The following ASIC2 variants were observed in gnomAD, a reference collection of about 807,000 sequenced individuals.
ASIC2 encodes acid-sensing ion channel 2.
Under a neutral mutation model 57.3 loss-of-function variants are expected in ASIC2, and 25 were observed. The observed-to-expected ratio is 0.44, with a 90% CI of 0.32 to 0.61. The LOEUF (loss-of-function observed/expected upper bound fraction) is 0.61, where lower values mean the gene tolerates loss of function less well. ASIC2 is among the 20% of genes least tolerant of loss of function. The probability of loss-of-function intolerance (pLI) is 0.06; values close to 1 mark genes in which losing one functional copy is unlikely to be tolerated. For missense variants in ASIC2, 641 were observed against 738.1 expected (o/e 0.87, Z 1.52); for synonymous variants, 319 against 307.5 (o/e 1.04, Z -0.39).
At chr17:33,822,074 C>T (rs576771842) in intron 1 of ASIC2, among the ~76,000 whole-genome samples, 3 of 152,190 alleles carry the variant, frequency 2.0e-5, no homozygotes, top group African/African-American at 4.8e-5. Context: ...ACTCTCTAAA[C>T]GTCAGCTTCA....
intron 1 of ASIC2, among the ~76,000 whole-genome samples, chr17:33,605,013 T>TTC (rs5820054): frequency 0.01 from 1,486 of 148,042 alleles, 13 homozygotes; most frequent in East Asian, 0.048. Flanking sequence ...TATTACTTCA[T>TTC]TCTCTCTCTC....
At chr17:33,406,137 T>C (rs911545558) in intron 1 of ASIC2, among the ~76,000 whole-genome samples, 1 of 152,162 alleles carries the variant, frequency 6.6e-6, no homozygotes, top group African/African-American at 2.4e-5. Flanking sequence ...ATGTAAGTAA[T>C]AAAAATATTT....
In ASIC2 at chr17:33,436,850, CTTCTTTTTTTTTTTTTTT is replaced by C. The variant is rs1469139955; in HGVS notation, c.556-324801_556-324784del. ...TGCAATGCCTTAAAACACATTCCAACTTCTTTTTTTTTTTTTTTTTTTTTTTTTTTTTTGAGACGGAGT... is the reference window on the plus strand; with the variant it reads ...TGCAATGCCTTAAAACACATTCCAACTTTTTTTTTTTTTTTGAGACGGAGT... On this transcript the variant is annotated intron_variant, in intron 1 of 9. Coordinates refer to the ASIC2 transcript ENST00000359872. Among the ~76,000 whole-genome samples, 230 of 76,038 alleles carry C rather than the reference CTTCTTTTTTTTTTTTTTT, an allele frequency of 3.0e-3. 1 individual carries two copies. Among genetic ancestry groups the C allele is most frequent in the East Asian group, 0.021 (58 of 2,758 alleles). The allele number at this position is 76,038 out of a possible 152,430, so 49.9% of individuals were successfully genotyped here. A position where few individuals can be genotyped will look rare whatever the true frequency, so the allele number is the denominator to read the frequency against.
At chr17:34,151,150 C>T (rs995738490) in intron 1 of ASIC2, among the ~76,000 whole-genome samples, 5 of 150,774 alleles carry the variant, frequency 3.3e-5, no homozygotes, top group South Asian at 4.2e-4. Context: ...AGGAAAGGTC[C>T]GTGAGTAAAG....
At chr17:33,784,447 GAC>G (rs1192010107) in intron 1 of ASIC2, among the ~76,000 whole-genome samples, 1 of 152,116 alleles carries the variant, frequency 6.6e-6, no homozygotes, top group Non-Finnish European at 1.5e-5. Flanking sequence ...TCTATTTCAT[GAC>G]CATTGCTACC....
intron 9 of ASIC2, 124 bp downstream of exon 9, chr17:33,015,847 G>A (rs2091802689): frequency 3.0e-6 from 3 of 999,670 alleles, no homozygotes; most frequent in East Asian, 2.5e-5. Flanking sequence ...CTGACAGCAT[G>A]TCCCAAGCCA....
rs1026104044 is a variant in ASIC2, at chr17:34,006,617, A to AT, written c.555+149360dup. On this transcript the variant is annotated intron_variant, in intron 1 of 9. Coordinates refer to the ASIC2 transcript ENST00000359872. ...TTTTCACTTATTTTTAAAAATATTT[A>AT]TTTTTTAGTTTTGATTGATACAGAA... 547 of 149,392 alleles carry AT rather than the reference A, an allele frequency of 3.7e-3. 5 individuals carry two copies. The highest frequency in any genetic ancestry group is 0.013 in the African/African-American group (523 of 41,020). The allele number at this position is 149,392 out of a possible 1,614,324, so 9.3% of individuals were successfully genotyped here. A position where few individuals can be genotyped will look rare whatever the true frequency, so the allele number is the denominator to read the frequency against.
chr17:33,868,724 T>C (rs1023667311), intron 1 of ASIC2, among the ~76,000 whole-genome samples: 4 of 152,074 alleles, frequency 2.6e-5, no homozygotes, highest in African/African-American at 9.7e-5. Context: ...GTATCCCAAA[T>C]ATATAAGGAA....
intron 1 of ASIC2, among the ~76,000 whole-genome samples, chr17:33,573,460 T>A (rs1486040346): frequency 6.6e-6 from 1 of 152,210 alleles, no homozygotes; most frequent in Non-Finnish European, 1.5e-5. Context: ...AACCACCACC[T>A]GCAACGAATA....
In ASIC2 at chr17:33,973,693, C is replaced by G. The variant is rs570947449; in HGVS notation, c.555+182285G>C. Among the ~76,000 whole-genome samples the G allele has an allele frequency of 3.3e-5, 5 of 152,302 alleles. No homozygotes were observed. The East Asian group carries it at 9.7e-4, about 29-fold the overall frequency. On this transcript the variant is annotated intron_variant, in intron 1 of 9. Transcript: ENST00000359872. ...GCTTGTTCCTGCTCACTCACCCCAC[C>G]AGGCTGCCATGGGACATAAGCCACA...
At chr17:33,491,659 C>T (rs976441294) in intron 1 of ASIC2, among the ~76,000 whole-genome samples, 5 of 152,124 alleles carry the variant, frequency 3.3e-5, no homozygotes, top group African/African-American at 9.7e-5. Context: ...GAGGCCAGGC[C>T]CCTGTGTTAG....
At chr17:33,718,175 CTA>C (rs35987046) in intron 1 of ASIC2, among the ~76,000 whole-genome samples, 4,275 of 152,284 alleles carry the variant, frequency 0.028, 195 homozygotes, top group African/African-American at 0.098. Context: ...TAAATCATCT[CTA>C]GTTTACTTAG....
chr17:34,121,730 C>A lies in ASIC2; in HGVS notation c.555+34248G>T, dbSNP rs187771025. Reference sequence around the variant, plus strand: ...AGGCTGTAACCATCACCCTAGATCACCTCCTGCCCCTACATTCCCATGCAC... The same window carrying A: ...AGGCTGTAACCATCACCCTAGATCAACTCCTGCCCCTACATTCCCATGCAC... On this transcript the variant is annotated intron_variant, in intron 1 of 9. Coordinates refer to the ASIC2 transcript ENST00000359872. Among the ~76,000 whole-genome samples the A allele has an allele frequency of 1.3e-3, 192 of 152,340 alleles. 1 individual carries two copies. The highest frequency in any genetic ancestry group is 4.5e-3 in the African/African-American group (188 of 41,570).
intron 1 of ASIC2, among the ~76,000 whole-genome samples, chr17:33,591,813 C>T (rs114484573): frequency 6.6e-6 from 1 of 152,274 alleles, no homozygotes; most frequent in African/African-American, 2.4e-5. Flanking sequence ...GAGCCCCTCT[C>T]CTTGCTCGGT....
intron 1 of ASIC2, among the ~76,000 whole-genome samples, chr17:33,730,357 C>G (rs1489644120): frequency 6.6e-6 from 1 of 152,128 alleles, no homozygotes; most frequent in East Asian, 1.9e-4. Flanking sequence ...TGAGGTCTCA[C>G]TAATGAGGAC....
At chr17:33,154,438 C>A (rs191255644) in intron 1 of ASIC2, among the ~76,000 whole-genome samples, 64 of 152,322 alleles carry the variant, frequency 4.2e-4, no homozygotes, top group African/African-American at 1.4e-3. Context: ...CCCCTTAATG[C>A]TTCCCCAACA....
chr17:33,799,814 T>C (rs571941250), intron 1 of ASIC2, among the ~76,000 whole-genome samples: 1 of 152,212 alleles, frequency 6.6e-6, no homozygotes, highest in South Asian at 2.1e-4. Flanking sequence ...ACTCTTTACA[T>C]AGATGATAAT....
At chr17:34,038,096 C>A in intron 1 of ASIC2, 3 of 1,613,198 alleles carry the variant, frequency 1.9e-6, no homozygotes, top group South Asian at 2.2e-5. Flanking sequence ...CTTCGAAAGA[C>A]CAAAATCTGT....
intron 1 of ASIC2, among the ~76,000 whole-genome samples, chr17:33,937,208 T>A (rs940169251): frequency 2.0e-5 from 3 of 152,190 alleles, no homozygotes; most frequent in African/African-American, 7.2e-5. Context: ...TTCAAGTGAT[T>A]CTCCTGCCTC....
Sources: allele counts gnomAD v4.1 joint callset (sites outside exome capture counted in the v4.1 genomes callset), GRCh38; gene constraint gnomAD v4.1.1; transcripts MANE v1.5; gene names NCBI Gene and HGNC (gene_info 2026-07-23, HGNC 2026-07-21).